The following PSMD14 variants were observed in gnomAD, a reference collection of about 807,000 sequenced individuals.
PSMD14 encodes the protein ubiquitin C-terminal hydrolase PSMD14.
PSMD14 carries 7 observed loss-of-function variants against 41.2 expected under a neutral mutation model. The ratio of observed to expected loss-of-function variants is 0.17; its 90% CI spans 0.10 to 0.32. PSMD14 has a LOEUF of 0.32. PSMD14 is among the 10% of genes least tolerant of loss of function. The pLI is 1.00. For missense variants in PSMD14, 139 were observed against 375.6 expected (o/e 0.37, Z 5.21); for synonymous variants, 114 against 122.3 (o/e 0.93, Z 0.45).
At chr2:161,344,114 C>CG (rs199820892) in intron 3 of PSMD14, among the ~76,000 whole-genome samples, 1,818 of 107,226 alleles carry the variant, frequency 0.017, 21 homozygotes, top group Non-Finnish European at 0.024. Context: ...AGACTTGGTG[C>CG]GGGGGGGTGG....
chr2:161,400,527 C>T (rs1359262008), intron 10 of PSMD14, among the ~76,000 whole-genome samples: 1 of 152,020 alleles, frequency 6.6e-6, no homozygotes, highest in Non-Finnish European at 1.5e-5. Context: ...TGAAAAAAAC[C>T]TCAAACTGCA....
intron 8 of PSMD14, among the ~76,000 whole-genome samples, chr2:161,385,897 A>G (rs973857981): frequency 2.6e-5 from 4 of 151,814 alleles, no homozygotes; most frequent in Non-Finnish European, 5.9e-5. Flanking sequence ...TGAAGGATGT[A>G]ACTATTATCA....
At chr2:161,321,167 T>C (rs964699861) in intron 3 of PSMD14, among the ~76,000 whole-genome samples, 1 of 152,232 alleles carries the variant, frequency 6.6e-6, no homozygotes, top group Non-Finnish European at 1.5e-5. Context: ...GGAAATGTTA[T>C]CTTACCATTT....
chr2:161,314,621 C>T lies in PSMD14; in HGVS notation c.-137-1816C>T, dbSNP rs28807174. Among the ~76,000 whole-genome samples the T allele has an allele frequency of 2.9e-3, 437 of 152,264 alleles. 2 individuals carry two copies. Among genetic ancestry groups the T allele is most frequent in the African/African-American group, 0.01 (423 of 41,528 alleles). ...ATGGATTTATTGGATATTTCATATACATGGAATCACATAACATGTGAGCTT... is the reference window on the plus strand; with the variant it reads ...ATGGATTTATTGGATATTTCATATATATGGAATCACATAACATGTGAGCTT... On this transcript the variant is annotated intron_variant, in intron 1 of 11. Transcript: ENST00000409682.
chr2:161,405,907 G>A (rs1354876514), intron 10 of PSMD14, among the ~76,000 whole-genome samples: 1 of 152,112 alleles, frequency 6.6e-6, no homozygotes, highest in Non-Finnish European at 1.5e-5. Context: ...GAATAAGAGA[G>A]ATACAGGGTG....
intron 3 of PSMD14, among the ~76,000 whole-genome samples, chr2:161,327,814 T>G (rs964618554): frequency 1.3e-5 from 2 of 151,710 alleles, no homozygotes; most frequent in African/African-American, 4.8e-5. Flanking sequence ...AAAAAAGTTA[T>G]GAAAAGATAG....
At chr2:161,408,397 G>A (rs1683982493) in intron 10 of PSMD14, 1 of 172,696 alleles carries the variant, frequency 5.8e-6, no homozygotes, top group Non-Finnish European at 1.3e-5. Flanking sequence ...CTGAAGCTAT[G>A]GGCAGGCTGG....
At chr2:161,318,287 G>A (rs1689167520) in intron 2 of PSMD14, among the ~76,000 whole-genome samples, 1 of 152,074 alleles carries the variant, frequency 6.6e-6, no homozygotes, top group Non-Finnish European at 1.5e-5. Context: ...GTTTTTAAAA[G>A]CCTTTGATGC....
chr2:161,383,152 T>G (rs1333945904), intron 7 of PSMD14: 1 of 152,032 alleles, frequency 6.6e-6, no homozygotes, highest in Non-Finnish European at 1.5e-5. Flanking sequence ...CTCTAAAGGA[T>G]AAATCCACTT....
intron 3 of PSMD14, chr2:161,341,280 G>C: frequency 9.8e-7 from 1 of 1,018,356 alleles, no homozygotes; most frequent in Non-Finnish European, 1.2e-6. Flanking sequence ...GGCCAGCGCG[G>C]TGGCCAGCGC....
chr2:161,378,917 A>G (rs778425603), intron 7 of PSMD14, among the ~76,000 whole-genome samples: 1 of 152,046 alleles, frequency 6.6e-6, no homozygotes, highest in Non-Finnish European at 1.5e-5. Context: ...CAGCAAAGTA[A>G]TTGGCCTTTA....
chr2:161,339,496 A>ATTTTTTTTTTTTTTTT (rs202216505), intron 3 of PSMD14, among the ~76,000 whole-genome samples: 1 of 105,586 alleles, frequency 9.5e-6, no homozygotes, highest in Non-Finnish European at 2.0e-5. Flanking sequence ...TTGTTAATGA[A>ATTTTTTTTTTTTTTTT]TTTTTTTTTT....
intron 8 of PSMD14, among the ~76,000 whole-genome samples, chr2:161,388,695 AAATT>A (rs1378604257): frequency 2.0e-5 from 3 of 152,184 alleles, no homozygotes; most frequent in African/African-American, 7.2e-5. Context: ...AATATAAAAT[AAATT>A]AAGGCAAACA....
At chr2:161,325,509 A>G (rs1289279842) in intron 3 of PSMD14, among the ~76,000 whole-genome samples, 3 of 152,192 alleles carry the variant, frequency 2.0e-5, no homozygotes, top group African/African-American at 7.2e-5. Flanking sequence ...TAACATAGCA[A>G]TGGAAAAAAT....
intron 6 of PSMD14, 122 bp downstream of exon 6, chr2:161,370,299 G>C (rs2105257414): frequency 6.7e-6 from 5 of 748,424 alleles, no homozygotes; most frequent in Non-Finnish European, 1.0e-5. Flanking sequence ...TGACATAAAA[G>C]TATCTGTAAA....
At chr2:161,347,710 A>C (rs995993456) in intron 3 of PSMD14, among the ~76,000 whole-genome samples, 3 of 152,246 alleles carry the variant, frequency 2.0e-5, no homozygotes, top group African/African-American at 7.2e-5. Context: ...TAGCACAAAT[A>C]ATAAAGGGAC....
intron 3 of PSMD14, among the ~76,000 whole-genome samples, chr2:161,347,650 T>G (rs1233713117): frequency 6.6e-6 from 1 of 152,246 alleles, no homozygotes; most frequent in Non-Finnish European, 1.5e-5. Context: ...TTTATATTGC[T>G]TTATGGATAC....
At chr2:161,389,138 C>A (rs2105265469) in intron 8 of PSMD14, among the ~76,000 whole-genome samples, 1 of 152,240 alleles carries the variant, frequency 6.6e-6, no homozygotes, top group South Asian at 2.1e-4. Context: ...GTTAATATTT[C>A]ATTAGTACAG....
At position 161,318,781 on chromosome 2, in the gene PSMD14, T is replaced by C. The variant is rs1296685480; in HGVS notation, c.-4-41T>C. The C allele has an allele frequency of 4.6e-6, 7 of 1,537,720 alleles. No individual in the cohort carries two copies. The African/African-American group carries it at 6.8e-5, about 15-fold the overall frequency. ...TATAGATAGCAATTGAATAAACATT[T>C]TTGTGCTTAGGAACGTTTTTTCTTT... On this transcript the variant is annotated intron_variant, in intron 2 of 11. Transcript: ENST00000409682.
Sources: gnomAD v4.1 joint callset for allele counts (sites outside exome capture counted in the v4.1 genomes callset) on GRCh38, gnomAD v4.1.1 for gene constraint, MANE v1.5 for transcripts, NCBI Gene and HGNC (gene_info 2026-07-23, HGNC 2026-07-21) for gene names.